The following ITFG1 variants were observed in gnomAD, a reference collection of about 807,000 sequenced individuals.
ITFG1 encodes the protein integrin alpha FG-GAP repeat containing 1.
Under a neutral mutation model 81.8 loss-of-function variants are expected in ITFG1, and 34 were observed. The observed-to-expected ratio is 0.42, with a 90% CI of 0.32 to 0.55. The LOEUF (loss-of-function observed/expected upper bound fraction) is 0.55, where lower values mean the gene tolerates loss of function less well. ITFG1 is among the 20% of genes least tolerant of loss of function. The probability of loss-of-function intolerance (pLI) is 0.17; values close to 1 mark genes in which losing one functional copy is unlikely to be tolerated. For synonymous variants in ITFG1, 285 were observed against 270.6 expected (o/e 1.05, Z -0.52); for missense variants, 672 against 755.4 (o/e 0.89, Z 1.29).
At chr16:47,248,034 G>A (rs1354011958) in intron 12 of ITFG1, among the ~76,000 whole-genome samples, 2 of 152,030 alleles carry the variant, frequency 1.3e-5, no homozygotes, top group Non-Finnish European at 2.9e-5. Context: ...TACAGCATAT[G>A]TAACATTACA....
intron 14 of ITFG1, among the ~76,000 whole-genome samples, chr16:47,188,313 C>A (rs1409645669): frequency 4.6e-5 from 7 of 151,974 alleles, no homozygotes. Flanking sequence ...CACATGTGCA[C>A]GTATGTTTAT....
chr16:47,441,833 A>G (rs1043119601), intron 5 of ITFG1, among the ~76,000 whole-genome samples: 4 of 152,162 alleles, frequency 2.6e-5, no homozygotes, highest in African/African-American at 9.7e-5. Flanking sequence ...TGGCCAGGGC[A>G]ATCAGGCAGG....
chr16:47,320,378 A>AT (rs1184300867), intron 8 of ITFG1, among the ~76,000 whole-genome samples: 3 of 152,190 alleles, frequency 2.0e-5, no homozygotes, highest in African/African-American at 7.2e-5. Flanking sequence ...GTACACACAT[A>AT]TAACTCTGTT....
At chr16:47,338,708 A>T (rs897641237) in intron 8 of ITFG1, among the ~76,000 whole-genome samples, 2 of 151,662 alleles carry the variant, frequency 1.3e-5, no homozygotes, top group Non-Finnish European at 2.9e-5. Context: ...AGGTGTATAC[A>T]TTCATGGGTT....
At chr16:47,189,072 A>G (rs1026410818) in intron 14 of ITFG1, among the ~76,000 whole-genome samples, 12 of 152,298 alleles carry the variant, frequency 7.9e-5, no homozygotes, top group Middle Eastern at 3.4e-3. Context: ...CCCCATAAAC[A>G]GTTTTTAATG....
At chr16:47,213,705 T>C (rs1362066893) in intron 14 of ITFG1, among the ~76,000 whole-genome samples, 2 of 152,104 alleles carry the variant, frequency 1.3e-5, no homozygotes, top group African/African-American at 2.4e-5. Flanking sequence ...CCCAAAAGGA[T>C]AGGATTTGGA....
At chr16:47,183,309 G>T (rs1296571725) in intron 14 of ITFG1, among the ~76,000 whole-genome samples, 1 of 152,176 alleles carries the variant, frequency 6.6e-6, no homozygotes, top group Non-Finnish European at 1.5e-5. Context: ...GCCTCTGTAG[G>T]CTCCACCTCT....
At chr16:47,168,938 C>A (rs76721515) in intron 14 of ITFG1, among the ~76,000 whole-genome samples, 2 of 151,842 alleles carry the variant, frequency 1.3e-5, no homozygotes, top group Non-Finnish European at 2.9e-5. Context: ...TTTTTTTTTA[C>A]ATGTCATTAT....
chr16:47,207,792 G>A (rs955152540), intron 14 of ITFG1, among the ~76,000 whole-genome samples: 2 of 52,086 alleles, frequency 3.8e-5, no homozygotes, highest in African/African-American at 6.9e-5. Context: ...CCACCCTCCC[G>A]CCCCTTCCAC....
chr16:47,434,540 C>T (rs528204191), intron 5 of ITFG1, among the ~76,000 whole-genome samples: 128 of 152,126 alleles, frequency 8.4e-4, no homozygotes, highest in African/African-American at 3.0e-3. Flanking sequence ...AATAAAAAGT[C>T]AAAAAGCAAC....
At chr16:47,211,218 C>CAACAT (rs1409315605) in intron 14 of ITFG1, among the ~76,000 whole-genome samples, 3 of 152,150 alleles carry the variant, frequency 2.0e-5, no homozygotes, top group African/African-American at 4.8e-5. Context: ...GCGTAGTTTT[C>CAACAT]AACATATAAG....
At chr16:47,282,785 G>A (rs979704129) in intron 10 of ITFG1, among the ~76,000 whole-genome samples, 7 of 151,980 alleles carry the variant, frequency 4.6e-5, no homozygotes, top group Non-Finnish European at 1.0e-4. Flanking sequence ...TGTTCTGACT[G>A]GTGAAAGATG....
intron 10 of ITFG1, among the ~76,000 whole-genome samples, chr16:47,310,005 C>T (rs1389202692): frequency 1.3e-5 from 2 of 152,182 alleles, no homozygotes; most frequent in Non-Finnish European, 2.9e-5. Context: ...ACAACACTCA[C>T]GTTCCATTCA....
At chr16:47,379,525 TA>T (rs2151591800) in intron 6 of ITFG1, among the ~76,000 whole-genome samples, 1 of 152,038 alleles carries the variant, frequency 6.6e-6, no homozygotes, top group East Asian at 1.9e-4. Context: ...CCGTCTCTAC[TA>T]AAAAGACAAA....
intron 10 of ITFG1, among the ~76,000 whole-genome samples, chr16:47,306,931 A>C (rs1390167997): frequency 6.6e-6 from 1 of 151,654 alleles, no homozygotes; most frequent in Non-Finnish European, 1.5e-5. Flanking sequence ...CATCTCTACT[A>C]AAAATACAAA....
intron 14 of ITFG1, 130 bp from the exon 15 acceptor site, chr16:47,162,794 A>C (rs976322310): frequency 4.6e-5 from 35 of 760,014 alleles, no homozygotes; most frequent in Non-Finnish European, 7.0e-5. Flanking sequence ...GAAATGAAAG[A>C]TACAGGTCAT....
chr16:47,245,164 T>C (rs1247207300), intron 12 of ITFG1, among the ~76,000 whole-genome samples: 2 of 152,042 alleles, frequency 1.3e-5, no homozygotes, highest in Non-Finnish European at 2.9e-5. Context: ...CTTGCCAACA[T>C]GGTGAAACCC....
intron 14 of ITFG1, among the ~76,000 whole-genome samples, chr16:47,194,119 T>C (rs945372687): frequency 6.6e-6 from 1 of 152,246 alleles, no homozygotes; most frequent in Non-Finnish European, 1.5e-5. Flanking sequence ...TATGTTGACT[T>C]TGCTAATGCT....
At chr16:47,457,296 G>A (rs1447787102) in intron 2 of ITFG1, among the ~76,000 whole-genome samples, 1 of 150,768 alleles carries the variant, frequency 6.6e-6, no homozygotes, top group Non-Finnish European at 1.5e-5. Context: ...GGGCAACAGA[G>A]TGAGACTCTG....
Sources: allele counts gnomAD v4.1 joint callset (sites outside exome capture counted in the v4.1 genomes callset), GRCh38; gene constraint gnomAD v4.1.1; transcripts MANE v1.5; gene names NCBI Gene and HGNC (gene_info 2026-07-23, HGNC 2026-07-21).